CTNND2: variants seen among roughly 807,000 people sequenced by gnomAD.
CTNND2 encodes catenin delta-2.
Under a neutral mutation model 144.4 loss-of-function variants are expected in CTNND2, and 22 were observed. The ratio of observed to expected loss-of-function variants is 0.15; its 90% CI spans 0.11 to 0.22. The LOEUF is 0.22. CTNND2 is among the 10% of genes least tolerant of loss of function. The probability of loss-of-function intolerance (pLI) is 1.00; values close to 1 mark genes in which losing one functional copy is unlikely to be tolerated. For missense variants in CTNND2, 1,353 were observed against 1,618.8 expected (o/e 0.84, Z 2.82); for synonymous variants, 751 against 695.6 (o/e 1.08, Z -1.25).
chr5:11,251,031 G>A (rs749466241), intron 9 of CTNND2, among the ~76,000 whole-genome samples: 7 of 151,728 alleles, frequency 4.6e-5, no homozygotes, highest in Admixed American at 3.9e-4. Context: ...AAGCCACTAG[G>A]AAAAAAAAGA....
rs5865929 is a variant in CTNND2 at position 11,265,698 on chromosome 5, ATTTTTTTTTTT to A, written c.1629-28886_1629-28876del. On this transcript the variant is annotated intron_variant, in intron 9 of 21. Transcript: ENST00000304623. The stretch of plus-strand genomic sequence containing the variant: ...CTCAGCATCACTGTATGTATTCTCT[ATTTTTTTTTTT>A]TTTTTTTTTTTTTTGAGATGGAGTC... Among the ~76,000 whole-genome samples the A allele has an allele frequency of 5.4e-4, 42 of 77,414 alleles. No homozygotes were observed. The East Asian group carries it at 7.4e-3, about 14-fold the overall frequency. The allele number at this position is 77,414 out of a possible 152,430, so 50.8% of individuals were successfully genotyped here. A position where few individuals can be genotyped will look rare whatever the true frequency, so the allele number is the denominator to read the frequency against.
intron 12 of CTNND2, among the ~76,000 whole-genome samples, chr5:11,137,231 T>C (rs368640578): frequency 2.0e-5 from 3 of 152,346 alleles, no homozygotes; most frequent in East Asian, 3.9e-4. Flanking sequence ...CATTCATTAG[T>C]TCATTTCTTA....
intron 11 of CTNND2, among the ~76,000 whole-genome samples, chr5:11,194,424 C>T (rs1196547466): frequency 6.6e-6 from 1 of 152,182 alleles, no homozygotes; most frequent in Non-Finnish European, 1.5e-5. Context: ...AGAATCTCCA[C>T]AGAGATGGAT....
At chr5:11,586,895 AC>A (rs1417312397) in intron 2 of CTNND2, among the ~76,000 whole-genome samples, 1 of 152,132 alleles carries the variant, frequency 6.6e-6, no homozygotes, top group African/African-American at 2.4e-5. Context: ...TAAAGGGCCT[AC>A]TTAGTATGTT....
chr5:11,884,913 ATAATCATATAG>A (rs1239218801), intron 1 of CTNND2, among the ~76,000 whole-genome samples: 1 of 146,702 alleles, frequency 6.8e-6, no homozygotes, highest in African/African-American at 2.4e-5. Context: ...ATCTATTGAG[ATAATCATATAG>A]TGTTTTGTCC....
At chr5:11,813,428 A>T (rs1456398069) in intron 1 of CTNND2, among the ~76,000 whole-genome samples, 1 of 152,146 alleles carries the variant, frequency 6.6e-6, no homozygotes, top group Admixed American at 6.5e-5. Flanking sequence ...CACAGTCTGA[A>T]GTGTTCTCTG....
intron 14 of CTNND2, among the ~76,000 whole-genome samples, chr5:11,099,876 A>G (rs561849704): frequency 6.6e-6 from 1 of 152,320 alleles, no homozygotes; most frequent in East Asian, 1.9e-4. Context: ...GTGTGAGAAC[A>G]TGAAGGTATT....
At chr5:10,991,240 T>G (rs1428342244) in intron 19 of CTNND2, among the ~76,000 whole-genome samples, 1 of 152,234 alleles carries the variant, frequency 6.6e-6, no homozygotes, top group Non-Finnish European at 1.5e-5. Context: ...CAGTAAAGTC[T>G]GGCGTGGAGT....
chr5:11,764,645 C>A (rs772116422), intron 1 of CTNND2, among the ~76,000 whole-genome samples: 2 of 152,066 alleles, frequency 1.3e-5, no homozygotes, highest in African/African-American at 2.4e-5. Context: ...TTCCTTTCCC[C>A]CTGGAAGCAA....
intron 7 of CTNND2, among the ~76,000 whole-genome samples, chr5:11,382,532 A>G (rs1049040820): frequency 6.6e-6 from 1 of 151,294 alleles, no homozygotes; most frequent in Non-Finnish European, 1.5e-5. Context: ...CAGGAGATGG[A>G]TGTTGCAGTG....
In CTNND2 at chr5:11,541,450, G is replaced by C. The variant is rs183094370; in HGVS notation, c.287+23494C>G. Among the ~76,000 whole-genome samples, 16 of 152,136 alleles carry C rather than the reference G, an allele frequency of 1.1e-4. No homozygotes were observed. The East Asian group carries it at 2.1e-3, about 20-fold the overall frequency. On this transcript the variant is annotated intron_variant, in intron 3 of 21. Coordinates refer to ENST00000304623, the MANE Select transcript of CTNND2 (RefSeq NM_001332.4). ...AAAGTATCACCATTCCTGTTTCTTC[G>C]ATCTCCTCACCTGTGGCCACCACGA...
chr5:11,037,422 T>C (rs1744205434), intron 16 of CTNND2, among the ~76,000 whole-genome samples: 1 of 152,144 alleles, frequency 6.6e-6, no homozygotes, highest in Admixed American at 6.5e-5. Context: ...CGACACTTCA[T>C]AGAATAGAAA....
At chr5:11,080,496 C>G (rs1341454014) in intron 16 of CTNND2, among the ~76,000 whole-genome samples, 1 of 152,178 alleles carries the variant, frequency 6.6e-6, no homozygotes, top group East Asian at 1.9e-4. Context: ...GATCTGGTAT[C>G]AGTATGTCAC....
chr5:11,493,766 C>T (rs1459010680), intron 3 of CTNND2, among the ~76,000 whole-genome samples: 2 of 152,122 alleles, frequency 1.3e-5, no homozygotes, highest in Non-Finnish European at 2.9e-5. Flanking sequence ...TTATCAGAAT[C>T]AATGAGGTTT....
At chr5:11,476,122 C>A (rs1306639505) in intron 3 of CTNND2, among the ~76,000 whole-genome samples, 4 of 151,664 alleles carry the variant, frequency 2.6e-5, no homozygotes, top group African/African-American at 7.3e-5. Context: ...CCGCCCACCT[C>A]GGCATCCCAA....
chr5:11,160,417 C>A (rs1486574658), intron 11 of CTNND2, among the ~76,000 whole-genome samples: 1 of 152,158 alleles, frequency 6.6e-6, no homozygotes, highest in Non-Finnish European at 1.5e-5. Flanking sequence ...ATGGACAGAG[C>A]GTCACAGTAA....
chr5:11,035,764 C>G (rs531089219), intron 16 of CTNND2, among the ~76,000 whole-genome samples: 2 of 150,850 alleles, frequency 1.3e-5, no homozygotes, highest in African/African-American at 4.9e-5. Flanking sequence ...AAAATTAAGA[C>G]ATATTTGAGG....
chr5:11,016,976 C>T (rs2149531048), intron 18 of CTNND2, among the ~76,000 whole-genome samples: 1 of 151,784 alleles, frequency 6.6e-6, no homozygotes, highest in Non-Finnish European at 1.5e-5. Flanking sequence ...TGGGTTTCAC[C>T]ATGTTGGCCA....
chr5:11,885,016 C>A (rs1736415122), intron 1 of CTNND2, among the ~76,000 whole-genome samples: 2 of 152,250 alleles, frequency 1.3e-5, no homozygotes, highest in African/African-American at 4.8e-5. Flanking sequence ...CTCACTTGAT[C>A]ATGGCGTATA....
Sources: allele counts gnomAD v4.1 joint callset (sites outside exome capture counted in the v4.1 genomes callset), GRCh38; gene constraint gnomAD v4.1.1; transcripts MANE v1.5; gene names NCBI Gene and HGNC (gene_info 2026-07-23, HGNC 2026-07-21).